The following ARHGAP6 variants were observed in gnomAD, a reference collection of about 807,000 sequenced individuals.
ARHGAP6 encodes Rho GTPase activating protein 6.
In ARHGAP6, 16 loss-of-function variants were observed where a neutral mutation model predicts 55.7. That is an observed-to-expected ratio of 0.29 (90% CI 0.19 to 0.44). The LOEUF (loss-of-function observed/expected upper bound fraction) is 0.44. Among genes scored for constraint, ARHGAP6 ranks in the 20% least tolerant of loss-of-function variants. The pLI is 1.00. For synonymous variants in ARHGAP6, 382 were observed against 360.9 expected, an observed-to-expected ratio of 1.06 and a Z score of -0.66; for missense variants, 698 against 808.9, an observed-to-expected ratio of 0.86 and a Z score of 1.66.
chrX:11,413,786 A>G (rs940773784), intron 1 of ARHGAP6, among the ~76,000 whole-genome samples: 1 of 112,302 alleles, frequency 8.9e-6, no homozygotes, highest in African/African-American at 3.2e-5. Flanking sequence ...ACCATGAAAC[A>G]TATACTATTT....
chrX:11,427,711 G>A (rs2049898305), intron 1 of ARHGAP6: 15 of 797,860 alleles, frequency 1.9e-5, no homozygotes, highest in South Asian at 8.7e-5. Context: ...GCCCTGCTCC[G>A]TGCGTGCCGA....
intron 2 of ARHGAP6, among the ~76,000 whole-genome samples, chrX:11,244,161 TA>T (rs1484651763): frequency 2.7e-5 from 3 of 112,189 alleles, no homozygotes; most frequent in African/African-American, 9.7e-5. Context: ...AACAACTGCA[TA>T]AAAAATAACA....
At chrX:11,229,086 G>T (rs1026943796) in intron 2 of ARHGAP6, among the ~76,000 whole-genome samples, 7 of 112,039 alleles carry the variant, frequency 6.2e-5, no homozygotes, top group Non-Finnish European at 1.3e-4. Flanking sequence ...GAAAGCACAG[G>T]CATGGAACAG....
chrX:11,424,813 G>A (rs903591086), intron 1 of ARHGAP6, among the ~76,000 whole-genome samples: 2 of 112,549 alleles, frequency 1.8e-5, no homozygotes, highest in Non-Finnish European at 3.8e-5. Flanking sequence ...AACATTAGCT[G>A]CTAACACACA....
chrX:11,421,946 A>G (rs2049828439), intron 1 of ARHGAP6, among the ~76,000 whole-genome samples: 1 of 112,012 alleles, frequency 8.9e-6, no homozygotes, highest in African/African-American at 3.2e-5. Context: ...AGCGTAACCT[A>G]GGGAAAAATA....
At chrX:11,319,983 C>T (rs781768127) in intron 1 of ARHGAP6, among the ~76,000 whole-genome samples, 14 of 112,035 alleles carry the variant, frequency 1.2e-4, no homozygotes, top group East Asian at 2.8e-4. Context: ...AGATGTTATT[C>T]GCGTAACTTC....
chrX:11,309,433 T>G (rs2048272348), intron 1 of ARHGAP6, among the ~76,000 whole-genome samples: 1 of 109,924 alleles, frequency 9.1e-6, no homozygotes, highest in Non-Finnish European at 1.9e-5. Flanking sequence ...AACTAGAGGA[T>G]CTCGGAGGGA....
chrX:11,285,810 TCA>T (rs1284584671), intron 1 of ARHGAP6, among the ~76,000 whole-genome samples: 2 of 112,215 alleles, frequency 1.8e-5, no homozygotes, highest in African/African-American at 3.2e-5. Flanking sequence ...AGAAAAGAGG[TCA>T]CACTTATATT....
At chrX:11,384,539 T>C (rs1272257428) in intron 1 of ARHGAP6, among the ~76,000 whole-genome samples, 1 of 112,358 alleles carries the variant, frequency 8.9e-6, no homozygotes, top group African/African-American at 3.2e-5. Context: ...ATACTTCACA[T>C]TGATGAACCC....
chrX:11,487,827 T>C lies in ARHGAP6; in HGVS notation c.588+176414A>G, dbSNP rs2050526783. Among the ~76,000 whole-genome samples, 3 of 111,782 alleles carry C rather than the reference T, an allele frequency of 2.7e-5. No individual in the cohort carries two copies. In the Admixed American group the frequency reaches 2.9e-4, roughly 11 times the overall value. On this transcript the variant is annotated intron_variant, in intron 1 of 12. Coordinates refer to ENST00000337414, the MANE Select transcript of ARHGAP6 (RefSeq NM_013427.3). ...ATGAATTGTTTTCCCTGTAATGGAA[T>C]GCCAAATAATAATTATAGGAGTGAT...
At chrX:11,529,545 A>G (rs2051026640) in intron 1 of ARHGAP6, among the ~76,000 whole-genome samples, 2 of 111,831 alleles carry the variant, frequency 1.8e-5, no homozygotes, top group Non-Finnish European at 3.8e-5. Context: ...ACAGACCTGC[A>G]AGGACTATCT....
intron 1 of ARHGAP6, chrX:11,334,740 C>T: frequency 4.1e-6 from 1 of 241,827 alleles, no homozygotes. Context: ...TGAAGTTGCA[C>T]ACAGCCCAGG....
intron 1 of ARHGAP6, among the ~76,000 whole-genome samples, chrX:11,569,661 A>T (rs2051488978): frequency 9.0e-6 from 1 of 111,200 alleles, no homozygotes; most frequent in African/African-American, 3.3e-5. Flanking sequence ...TCCTAACCAC[A>T]CCCCCCATCC....
At chrX:11,179,747 TATATATGTATATGTATAC>T (rs895936956) in intron 6 of ARHGAP6, among the ~76,000 whole-genome samples, 8 of 91,717 alleles carry the variant, frequency 8.7e-5, no homozygotes, top group African/African-American at 3.0e-4. Flanking sequence ...TGTATATACA[TATATATGTATATGTATAC>T]ATATATATAT....
At chrX:11,145,493 C>A (rs2045677946) in intron 10 of ARHGAP6, among the ~76,000 whole-genome samples, 1 of 112,063 alleles carries the variant, frequency 8.9e-6, no homozygotes, top group South Asian at 3.7e-4. Context: ...AAGCCCCTTC[C>A]TTGCCTCCTC....
At chrX:11,544,149 C>T (rs1261297383) in intron 1 of ARHGAP6, among the ~76,000 whole-genome samples, 2 of 111,706 alleles carry the variant, frequency 1.8e-5, no homozygotes, top group Admixed American at 9.5e-5. Context: ...ACACGGAAAG[C>T]GAAACACAGA....
chrX:11,525,493 A>G (rs1235175994), intron 1 of ARHGAP6, among the ~76,000 whole-genome samples: 1 of 111,908 alleles, frequency 8.9e-6, no homozygotes, highest in Admixed American at 9.5e-5. Context: ...CATTTGATTC[A>G]TAAGGAAAAT....
rs2051813946 is a variant in ARHGAP6 at position 11,590,869 on chromosome X, G to GGAAGGAAAGAAAGAAAGAAA, written c.588+73371_588+73372insTTTCTTTCTTTCTTTCCTTC. ...AAGAAAAGAAAAGAAAAGAAAAGAAGGAAAGAAAGAAAGAAAGAAAGAAAG... is the reference window on the plus strand; with the variant it reads ...AAGAAAAGAAAAGAAAAGAAAAGAAGGAAGGAAAGAAAGAAAGAAAGAAAGAAAGAAAGAAAGAAAGAAAG... On this transcript the variant is annotated intron_variant, in intron 1 of 12. Transcript: ENST00000337414. 1.7e-4 allele frequency among the ~76,000 whole-genome samples: 4 copies of GGAAGGAAAGAAAGAAAGAAA among 24,218 alleles called. 1 individual carries two copies. Among genetic ancestry groups the GGAAGGAAAGAAAGAAAGAAA allele is most frequent in the Non-Finnish European group, 2.7e-4 (4 of 14,915 alleles). The allele number at this position is 24,218 out of a possible 115,157, so 21.0% of individuals were successfully genotyped here. A position where few individuals can be genotyped will look rare whatever the true frequency, so the allele number is the denominator to read the frequency against.
chrX:11,483,308 C>T (rs1232489999), intron 1 of ARHGAP6, among the ~76,000 whole-genome samples: 1 of 112,083 alleles, frequency 8.9e-6, no homozygotes, highest in Non-Finnish European at 1.9e-5. Context: ...TTGTAAACCA[C>T]TCATGTTAAC....
Sources: gnomAD v4.1 joint callset for allele counts (sites outside exome capture counted in the v4.1 genomes callset) on GRCh38, gnomAD v4.1.1 for gene constraint, MANE v1.5 for transcripts, NCBI Gene and HGNC (gene_info 2026-07-23, HGNC 2026-07-21) for gene names.